Variants in FANCD2 observed in about 807,000 individuals in gnomAD.
The protein encoded by FANCD2 is FA complementation group D2.
Under a neutral mutation model 192.3 loss-of-function variants are expected in FANCD2, and 131 were observed. The ratio of observed to expected loss-of-function variants is 0.68; its 90% CI spans 0.59 to 0.79. FANCD2 has a LOEUF of 0.79. Among genes scored for constraint, FANCD2 ranks in the 30% least tolerant of loss-of-function variants. The pLI, the probability that FANCD2 is intolerant of heterozygous loss-of-function variation, is 0.00. For synonymous variants in FANCD2, 524 were observed against 612.5 expected (o/e 0.86, Z 2.13); for missense variants, 1,508 against 1,701.6 (o/e 0.89, Z 2.00).
intron 36 of FANCD2, 110 bp from the exon 37 acceptor site, chr3:10,090,182 A>G: frequency 1.3e-6 from 1 of 748,712 alleles, no homozygotes. Flanking sequence ...CCCTAGTGAA[A>G]GGACATTTAG....
chr3:10,063,812 G>C lies in FANCD2; in HGVS notation c.1848G>C (p.Leu616Phe), dbSNP rs1301280421. Reference protein sequence around the residue: ...QCTQVTSLLQLVHSCSEQSPQ... With the variant: ...QCTQVTSLLQFVHSCSEQSPQ... ...TCCAGGTGACCTCCTTGTTGCAGTTGGTTCATTCCTGCAGTGAGCAGTCTC... is the reference window on the plus strand; with the variant it reads ...TCCAGGTGACCTCCTTGTTGCAGTTCGTTCATTCCTGCAGTGAGCAGTCTC... The change falls in exon 21 of 44, where the codon TTG becomes TTC. Residue 616 changes from leucine (L) to phenylalanine (F), a missense_variant. Physicochemically the swap from Leu to Phe is conservative, Grantham distance 22. Coordinates refer to ENST00000675286, the MANE Select transcript of FANCD2 (RefSeq NM_001018115.3). The C allele has an allele frequency of 2.5e-6, 4 of 1,614,180 alleles. No individual in the cohort carries two copies. Among genetic ancestry groups the C allele is most frequent in the Non-Finnish European group, 3.4e-6 (4 of 1,180,006 alleles).
At chr3:10,080,713 G>T (rs1693785803) in intron 30 of FANCD2, among the ~76,000 whole-genome samples, 1 of 152,214 alleles carries the variant, frequency 6.6e-6, no homozygotes, top group Admixed American at 6.5e-5. Context: ...CAAGGCTGCA[G>T]TGAGCTGTGA....
chr3:10,087,658 T>C (rs1694300402), intron 34 of FANCD2, among the ~76,000 whole-genome samples: 1 of 151,944 alleles, frequency 6.6e-6, no homozygotes, highest in Non-Finnish European at 1.5e-5. Flanking sequence ...GCCTTTTTCT[T>C]TTTTTTTGAG....
In FANCD2 at chr3:10,095,099, G is replaced by A. The variant is rs950038450; in HGVS notation, c.3964-101G>A. ...TGATTATCAGCATAGGCTGGAAACT[G>A]CAGAGTTTATCCTCTTTGGAGCTTT... is the stretch of plus-strand genomic sequence containing the variant. On this transcript the variant is annotated intron_variant, in intron 40 of 43. Coordinates refer to ENST00000675286, the MANE Select transcript of FANCD2 (RefSeq NM_001018115.3). 1.4e-5 allele frequency: 14 copies of A among 972,460 alleles called. No individual in the cohort carries two copies. In the East Asian group the frequency reaches 1.5e-4, roughly 11 times the overall value. The allele number at this position is 972,460 out of a possible 1,614,324, so 60.2% of individuals were successfully genotyped here.
intron 25 of FANCD2, 58 bp from the exon 26 acceptor site, chr3:10,067,151 T>A (rs116962388): frequency 3.6e-6 from 4 of 1,103,184 alleles, no homozygotes; most frequent in Non-Finnish European, 5.5e-6. Context: ...ATAAATAATA[T>A]AAACAAGGTT....
rs371559678 is a variant in FANCD2 at position 10,081,474 on chromosome 3, T to C, written c.3224+10T>C. 15 of 1,557,352 alleles carry C rather than the reference T, an allele frequency of 9.6e-6. No individual in the cohort carries two copies. Among genetic ancestry groups the C allele is most frequent in the Admixed American group, 1.7e-5 (1 of 59,910 alleles). On this transcript the variant is annotated intron_variant, in intron 32 of 43. Coordinates refer to ENST00000675286, the MANE Select transcript of FANCD2 (RefSeq NM_001018115.3). ...ATGGGCTTTTTGCTTGGTAAGTATG[T>C]GGGAAGTGTGGAGAGAACTGAGTAT...
chr3:10,046,480 C>G (rs986835224), intron 14 of FANCD2, 100 bp from the exon 15 acceptor site: 6 of 1,560,850 alleles, frequency 3.8e-6, no homozygotes, highest in East Asian at 2.4e-5. Flanking sequence ...TGAGCATTAT[C>G]CATTCTGTGT....
In FANCD2 at chr3:10,087,248, GAACA is replaced by G. The variant is rs1559403654; in HGVS notation, c.3453_3456del (p.Asn1151LysfsTer46). ...TGGAGAAATCAACAGCTTCTGCTCAGAACAAAGAAAAAATTGGTGATGGGCCTAG... is the reference window on the plus strand; with the variant it reads ...TGGAGAAATCAACAGCTTCTGCTCAGAAGAAAAAATTGGTGATGGGCCTAG... On this transcript the variant is annotated frameshift_variant, in exon 34 of 44. Coordinates refer to ENST00000675286, the MANE Select transcript of FANCD2 (RefSeq NM_001018115.3). LOFTEE classifies it high-confidence loss of function. 8 of 1,532,252 alleles carry G rather than the reference GAACA, an allele frequency of 5.2e-6. No homozygotes were observed. Among genetic ancestry groups the G allele is most frequent in the Non-Finnish European group, 4.4e-6 (5 of 1,127,570 alleles). 94.9% of individuals were successfully genotyped at this position (1,532,252 alleles called of 1,614,324 possible). A position where few individuals can be genotyped will look rare whatever the true frequency, so the allele number is the denominator to read the frequency against.
chr3:10,042,758 G>A (rs1007622599), intron 11 of FANCD2, 95 bp downstream of exon 11: 8 of 982,742 alleles, frequency 8.1e-6, no homozygotes, highest in East Asian at 7.1e-5. Context: ...TGACTAATCC[G>A]GATAGCATTC....
rs186711125 is a variant in FANCD2, at chr3:10,098,379, G to A, written c.4186-341G>A. The stretch of plus-strand genomic sequence containing the variant: ...ATGGCCATTCGTGCTTGGTGTGATA[G>A]TGCTTAGATACCTTAAGGTATTTGG... On this transcript the variant is annotated intron_variant, in intron 42 of 43. Coordinates refer to ENST00000675286, the MANE Select transcript of FANCD2 (RefSeq NM_001018115.3). Among the ~76,000 whole-genome samples, 7 of 152,280 alleles carry A rather than the reference G, an allele frequency of 4.6e-5. 1 individual carries two copies. The East Asian group carries it at 1.4e-3, about 29-fold the overall frequency.
At chr3:10,046,055 CT>C (rs57661428) in intron 14 of FANCD2, among the ~76,000 whole-genome samples, 197 of 124,256 alleles carry the variant, frequency 1.6e-3, no homozygotes, top group Admixed American at 1.8e-3. Context: ...GCTCTGTATT[CT>C]TTTTTTTTTT....
Position 10,043,119 on chromosome 3 carries a change from C to A in FANCD2, c.958C>A (p.Gln320Lys). ...CVLPSRLQAS[Q>K]VKLKSKGRAS... is the part of the protein sequence containing the mutation. Reference sequence around the variant, plus strand: ...TTTGCCATCACGGTTACAGGCTTCCCAAGTAAAGTTGAAAAGTAAAGGACG... The same window carrying A: ...TTTGCCATCACGGTTACAGGCTTCCAAAGTAAAGTTGAAAAGTAAAGGACG... Residue 320 changes from glutamine to lysine, a missense_variant, in exon 12 of 44, where the codon CAA (glutamine) becomes AAA (lysine). By Grantham distance (53) the Gln-to-Lys change is moderately conservative. Transcript: ENST00000675286. 6.2e-7 allele frequency: 1 copy of A among 1,613,984 alleles called. No individual in the cohort carries two copies. Among genetic ancestry groups the A allele is most frequent in the Non-Finnish European group, 8.5e-7 (1 of 1,179,998 alleles).
At chr3:10,090,436 G>A in intron 37 of FANCD2, 51 bp downstream of exon 37, 4 of 597,874 alleles carry the variant, frequency 6.7e-6, no homozygotes, top group Non-Finnish European at 5.7e-6. Context: ...TTACTTGGAA[G>A]TTGCTGATTT....
At chr3:10,094,880 C>T (rs978702865) in intron 40 of FANCD2, 16 of 402,288 alleles carry the variant, frequency 4.0e-5, no homozygotes, top group African/African-American at 2.4e-4. Flanking sequence ...TTTGGTTGGT[C>T]CCTCACAGCC....
chr3:10,079,921 C>T (rs992874198), intron 30 of FANCD2, among the ~76,000 whole-genome samples: 9 of 145,018 alleles, frequency 6.2e-5, no homozygotes, highest in Non-Finnish European at 1.1e-4. Flanking sequence ...TCTTCGTCTT[C>T]TTTTTTTTTT....
chr3:10,069,459 G>GGCTCCCCCCCCCC (rs758011243), intron 26 of FANCD2, among the ~76,000 whole-genome samples: 1 of 129,432 alleles, frequency 7.7e-6, no homozygotes, highest in Non-Finnish European at 1.5e-5. Flanking sequence ...TAGTTAAGAT[G>GGCTCCCCCCCCCC]CCTCTCCCCC....
intron 21 of FANCD2, 21 bp from the exon 22 acceptor site, chr3:10,064,335 T>A (rs1206921471): frequency 3.8e-6 from 6 of 1,567,416 alleles, no homozygotes; most frequent in Non-Finnish European, 1.8e-6. Flanking sequence ...ACTGCCCTTT[T>A]TGTTTGTTTG....
At chr3:10,035,707 T>C (rs1413473615) in intron 6 of FANCD2, among the ~76,000 whole-genome samples, 3 of 152,192 alleles carry the variant, frequency 2.0e-5, no homozygotes, top group African/African-American at 7.2e-5. Context: ...ATTTTTCCTC[T>C]TCTCCCCTAC....
chr3:10,100,096 G>A (rs1439466762), intron 43 of FANCD2, among the ~76,000 whole-genome samples: 3 of 152,098 alleles, frequency 2.0e-5, no homozygotes, highest in African/African-American at 7.2e-5. Flanking sequence ...GCTGAGGTGG[G>A]AGGGTTGCTC....
Sources: gnomAD v4.1 joint callset for allele counts (sites outside exome capture counted in the v4.1 genomes callset) on GRCh38, gnomAD v4.1.1 for gene constraint, MANE v1.5 for transcripts, NCBI Gene and HGNC (gene_info 2026-07-23, HGNC 2026-07-21) for gene names.